The following HDAC9 variants were observed in gnomAD, a reference collection of about 807,000 sequenced individuals.
HDAC9 encodes the protein histone deacetylase 9, also known as MEF-2 interacting transcription repressor (MITR) protein.
A neutral mutation model predicts 139.4 loss-of-function variants in HDAC9; 41 were observed. That is an observed-to-expected ratio of 0.29 (90% CI 0.23 to 0.38). The LOEUF is 0.38. Ranked by LOEUF, HDAC9 falls within the 10% of genes least tolerant of loss-of-function variation. The pLI, the probability that HDAC9 is intolerant of heterozygous loss-of-function variation, is 1.00. For missense variants in HDAC9, 1,147 were observed against 1,297.0 expected (o/e 0.88, Z 1.78); for synonymous variants, 517 against 476.2 (o/e 1.09, Z -1.12).
chr7:18,437,714 A>G (rs1427689814), intron 1 of HDAC9, among the ~76,000 whole-genome samples: 5 of 151,814 alleles, frequency 3.3e-5, no homozygotes, highest in Non-Finnish European at 5.9e-5. Context: ...TCATCACTGT[A>G]ATGCAGGCAA....
intron 22 of HDAC9, among the ~76,000 whole-genome samples, chr7:18,897,592 A>G (rs1323670298): frequency 6.6e-6 from 1 of 151,844 alleles, no homozygotes; most frequent in Non-Finnish European, 1.5e-5. Context: ...CAATTCAACC[A>G]TGTTTTACTG....
At chr7:18,487,557 A>G (rs1340983476) in intron 1 of HDAC9, among the ~76,000 whole-genome samples, 1 of 152,064 alleles carries the variant, frequency 6.6e-6, no homozygotes, top group Non-Finnish European at 1.5e-5. Context: ...TGTATAATAT[A>G]AACTTAGTGA....
chr7:18,434,214 C>A (rs1790959200), intron 1 of HDAC9, among the ~76,000 whole-genome samples: 1 of 152,172 alleles, frequency 6.6e-6, no homozygotes, highest in African/African-American at 2.4e-5. Context: ...TATCCGTATG[C>A]AGAAGATTGA....
intron 21 of HDAC9, among the ~76,000 whole-genome samples, chr7:18,874,166 G>C (rs1311740152): frequency 6.6e-6 from 1 of 151,736 alleles, no homozygotes; most frequent in African/African-American, 2.4e-5. Flanking sequence ...GTTTTTTATA[G>C]GCAGTGGGAT....
At chr7:18,580,662 A>G (rs1399582212) in intron 2 of HDAC9, among the ~76,000 whole-genome samples, 1 of 152,172 alleles carries the variant, frequency 6.6e-6, no homozygotes, top group Admixed American at 6.5e-5. Flanking sequence ...TAACATATGC[A>G]TCACTGGCCA....
chr7:18,444,878 T>C (rs1203172188), intron 1 of HDAC9, among the ~76,000 whole-genome samples: 2 of 152,216 alleles, frequency 1.3e-5, no homozygotes, highest in African/African-American at 4.8e-5. Context: ...ATAATCTTTG[T>C]ATTTAGTTTC....
At chr7:18,903,668 CCTCA>C (rs1440163491) in intron 22 of HDAC9, among the ~76,000 whole-genome samples, 8 of 152,198 alleles carry the variant, frequency 5.3e-5, no homozygotes, top group Admixed American at 3.3e-4. Flanking sequence ...CCCATTTACT[CCTCA>C]CTATCTTTCT....
intron 6 of HDAC9, among the ~76,000 whole-genome samples, chr7:18,616,826 A>G (rs2128927359): frequency 6.6e-6 from 1 of 152,318 alleles, no homozygotes; most frequent in South Asian, 2.1e-4. Context: ...CTGCTGATCC[A>G]TGGTACCTGA....
intron 7 of HDAC9, among the ~76,000 whole-genome samples, chr7:18,633,847 G>T (rs73063179): frequency 6.6e-6 from 1 of 152,064 alleles, no homozygotes; most frequent in Non-Finnish European, 1.5e-5. Flanking sequence ...TTTAATAAAT[G>T]CATTAGTTTC....
intron 1 of HDAC9, among the ~76,000 whole-genome samples, chr7:18,414,270 A>G (rs1788840702): frequency 6.6e-6 from 1 of 152,150 alleles, no homozygotes; most frequent in Admixed American, 6.5e-5. Context: ...CAAAGATGTC[A>G]CAATGATATT....
chr7:18,635,641 G>T (rs1311374906), intron 8 of HDAC9, among the ~76,000 whole-genome samples: 1 of 152,042 alleles, frequency 6.6e-6, no homozygotes, highest in East Asian at 1.9e-4. Context: ...CTGTTATTAT[G>T]CCTTCTTCAC....
chr7:18,768,855 A>G (rs992204268), intron 16 of HDAC9, among the ~76,000 whole-genome samples: 1 of 152,208 alleles, frequency 6.6e-6, no homozygotes, highest in Non-Finnish European at 1.5e-5. Flanking sequence ...CCATACTTTG[A>G]ATATACAGCC....
At chr7:18,913,723 A>G (rs961309362) in intron 22 of HDAC9, among the ~76,000 whole-genome samples, 2 of 143,594 alleles carry the variant, frequency 1.4e-5, no homozygotes, top group African/African-American at 2.5e-5. Flanking sequence ...CTAGAAGATA[A>G]GAATTTAAAA....
intron 12 of HDAC9, chr7:18,667,171 C>T: frequency 4.1e-6 from 4 of 985,268 alleles, no homozygotes; most frequent in Non-Finnish European, 3.6e-6. Flanking sequence ...CATAGCACTG[C>T]TCATTTTACT....
chr7:18,538,703 A>G (rs1394006204), intron 2 of HDAC9, among the ~76,000 whole-genome samples: 1 of 152,220 alleles, frequency 6.6e-6, no homozygotes, highest in African/African-American at 2.4e-5. Flanking sequence ...ATACTTTTAA[A>G]TTAGTGACTC....
chr7:18,340,005 T>C (rs1421337247), intron 1 of HDAC9, among the ~76,000 whole-genome samples: 3 of 151,552 alleles, frequency 2.0e-5, no homozygotes, highest in Admixed American at 1.3e-4. Context: ...TTTCCTACTA[T>C]AATTGTGGAT....
At chr7:18,101,986 ATT>A (rs1782886890) in intron 1 of HDAC9, among the ~76,000 whole-genome samples, 1 of 152,158 alleles carries the variant, frequency 6.6e-6, no homozygotes, top group East Asian at 1.9e-4. Flanking sequence ...CCTCTTTTAT[ATT>A]TATTCAGGAG....
At chr7:18,646,156 T>C (rs1161393652) in intron 9 of HDAC9, among the ~76,000 whole-genome samples, 3 of 152,156 alleles carry the variant, frequency 2.0e-5, no homozygotes, top group African/African-American at 7.2e-5. Flanking sequence ...CTTCTCTATT[T>C]CCTGTCTCTT....
intron 12 of HDAC9, chr7:18,667,664 G>A: frequency 1.0e-6 from 1 of 985,206 alleles, no homozygotes. Context: ...TGTGGAAACA[G>A]GAAGTCCAAG....
Sources: gnomAD v4.1 joint callset for allele counts (sites outside exome capture counted in the v4.1 genomes callset) on GRCh38, gnomAD v4.1.1 for gene constraint, MANE v1.5 for transcripts, NCBI Gene and HGNC (gene_info 2026-07-23, HGNC 2026-07-21) for gene names.